Variants in LIMCH1 observed in about 807,000 individuals in gnomAD.
LIMCH1 encodes LIM and calponin homology domains 1.
In LIMCH1, 113 loss-of-function variants were observed where a neutral mutation model predicts 176.5. The ratio of observed to expected loss-of-function variants is 0.64; its 90% CI spans 0.55 to 0.75. The LOEUF is 0.75. Among genes scored for constraint, LIMCH1 ranks in the 30% least tolerant of loss-of-function variants. The pLI is 0.00. For missense variants in LIMCH1, 1,674 were observed against 1,814.9 expected (o/e 0.92, Z 1.41); for synonymous variants, 619 against 645.9 (o/e 0.96, Z 0.63).
At chr4:41,645,400 G>A (rs1020860019) in intron 15 of LIMCH1, among the ~76,000 whole-genome samples, 10 of 152,244 alleles carry the variant, frequency 6.6e-5, no homozygotes, top group Middle Eastern at 3.4e-3. Context: ...GGCACCTTAC[G>A]TCTATTTTCA....
intron 1 of LIMCH1, among the ~76,000 whole-genome samples, chr4:41,367,684 C>CAAAAAAAAAA (rs35832745): frequency 0.015 from 1,461 of 94,276 alleles, 2 homozygotes; most frequent in Non-Finnish European, 0.018. Context: ...ACTAAAAATC[C>CAAAAAAAAAA]AAAAAAAAAA....
At chr4:41,621,627 A>G (rs9993745) in intron 7 of LIMCH1, among the ~76,000 whole-genome samples, 2,617 of 151,824 alleles carry the variant, frequency 0.017, 72 homozygotes, top group African/African-American at 0.055. Flanking sequence ...TCAGCCTCCC[A>G]AGTAGCTCGG....
intron 22 of LIMCH1, among the ~76,000 whole-genome samples, chr4:41,672,468 T>G (rs1283221312): frequency 1.3e-5 from 2 of 152,184 alleles, no homozygotes; most frequent in Non-Finnish European, 2.9e-5. Context: ...TTTTTTAATA[T>G]GAGGATAATA....
chr4:41,579,460 T>C (rs2085038961), intron 1 of LIMCH1, among the ~76,000 whole-genome samples: 1 of 152,182 alleles, frequency 6.6e-6, no homozygotes, highest in African/African-American at 2.4e-5. Flanking sequence ...GTTAGGATGG[T>C]TTTACCTTAA....
chr4:41,449,620 C>G (rs2063641763), intron 1 of LIMCH1, among the ~76,000 whole-genome samples: 1 of 152,018 alleles, frequency 6.6e-6, no homozygotes, highest in Non-Finnish European at 1.5e-5. Context: ...GGATAGATTC[C>G]TAGAATGTCG....
chr4:41,465,170 A>C (rs911534844), intron 1 of LIMCH1, among the ~76,000 whole-genome samples: 2 of 151,850 alleles, frequency 1.3e-5, no homozygotes, highest in Non-Finnish European at 2.9e-5. Flanking sequence ...GCTGGCGTCT[A>C]TTTTTTCATT....
chr4:41,443,391 TAAC>T (rs1331157565), intron 1 of LIMCH1, among the ~76,000 whole-genome samples: 3 of 152,182 alleles, frequency 2.0e-5, no homozygotes, highest in African/African-American at 7.2e-5. Flanking sequence ...TTGAATTAAA[TAAC>T]AACATTTGAT....
chr4:41,428,086 C>T (rs1340957758), intron 1 of LIMCH1, among the ~76,000 whole-genome samples: 4 of 152,080 alleles, frequency 2.6e-5, no homozygotes, highest in South Asian at 2.1e-4. Context: ...ACAGATTGCT[C>T]TGAAATTGAA....
In LIMCH1 at chr4:41,646,641, A is replaced by G. The variant is rs1444253281; in HGVS notation, c.2568A>G (p.Ser856=). The part of the protein sequence containing the change: ...EMPKILERSH[S]TEPNLSSFLN... Reference sequence around the variant, plus strand: ...CAAAAATTCTGGAAAGAAGCCATTCAACAGAGCCAAATTTATCCTCCTTCC... The same window carrying G: ...CAAAAATTCTGGAAAGAAGCCATTCGACAGAGCCAAATTTATCCTCCTTCC... Residue 856 remains serine, a synonymous_variant, in exon 17 of 32, where the codon TCA becomes TCG. Coordinates refer to ENST00000503057, the MANE Select transcript of LIMCH1 (RefSeq NM_001330672.2). 6.2e-6 allele frequency: 10 copies of G among 1,614,094 alleles called. No homozygotes were observed. Among genetic ancestry groups the G allele is most frequent in the Middle Eastern group, 1.6e-4 (1 of 6,084 alleles).
chr4:41,372,058 A>ACC (rs1412201380), intron 1 of LIMCH1, among the ~76,000 whole-genome samples: 1 of 152,016 alleles, frequency 6.6e-6, no homozygotes, highest in African/African-American at 2.4e-5. Context: ...GGAGGTGAAC[A>ACC]CCCCTCTTTT....
intron 2 of LIMCH1, among the ~76,000 whole-genome samples, chr4:41,602,024 G>T (rs1304895795): frequency 6.8e-6 from 1 of 146,412 alleles, no homozygotes; most frequent in Non-Finnish European, 1.5e-5. Context: ...TTTTGTTTCA[G>T]AAAATACTCT....
rs750458277 is a variant in LIMCH1, at chr4:41,490,277, C to CT, written c.97-4243dup. On this transcript the variant is annotated intron_variant, in intron 1 of 26. Transcript: ENST00000313860. ...TTTTTTTTTCTTTCTTTCTCCCTTT[C>CT]TTTTTTTTTTTTTTTTAATTTATTG... Among the ~76,000 whole-genome samples the CT allele has an allele frequency of 5.8e-3, 773 of 134,198 alleles. 9 individuals carry two copies. The highest frequency in any genetic ancestry group is 0.017 in the African/African-American group (627 of 36,614). 88.0% of individuals were successfully genotyped at this position (134,198 alleles called of 152,430 possible). A position where few individuals can be genotyped will look rare whatever the true frequency, so the allele number is the denominator to read the frequency against.
chr4:41,569,485 G>A (rs946994442), intron 1 of LIMCH1, among the ~76,000 whole-genome samples: 8 of 152,126 alleles, frequency 5.3e-5, no homozygotes, highest in Non-Finnish European at 7.3e-5. Context: ...AAATGCCCAG[G>A]GGTTATGCTA....
At chr4:41,383,210 G>A (rs2055978295) in intron 1 of LIMCH1, among the ~76,000 whole-genome samples, 1 of 152,176 alleles carries the variant, frequency 6.6e-6, no homozygotes, top group African/African-American at 2.4e-5. Context: ...TTCTATGTTT[G>A]GTCTGGAGGT....
intron 1 of LIMCH1, among the ~76,000 whole-genome samples, chr4:41,586,115 C>T (rs1162702357): frequency 1.4e-5 from 2 of 141,744 alleles, no homozygotes; most frequent in African/African-American, 2.6e-5. Context: ...CCTCCTCTCC[C>T]CTTCCCTTTT....
At chr4:41,377,213 G>A (rs2054890137) in intron 1 of LIMCH1, among the ~76,000 whole-genome samples, 1 of 152,182 alleles carries the variant, frequency 6.6e-6, no homozygotes, top group Admixed American at 6.5e-5. Context: ...TCAAGGCTGT[G>A]GGTTACGTTC....
intron 1 of LIMCH1, among the ~76,000 whole-genome samples, chr4:41,404,727 CAGG>C: frequency 6.6e-6 from 1 of 152,074 alleles, no homozygotes; most frequent in East Asian, 1.9e-4. Context: ...TGCGGTGAGC[CAGG>C]ATTGTGCCAC....
chr4:41,480,338 G>A (rs997168196), intron 1 of LIMCH1, among the ~76,000 whole-genome samples: 3 of 152,186 alleles, frequency 2.0e-5, no homozygotes, highest in Non-Finnish European at 2.9e-5. Context: ...GCCGGGTGCA[G>A]TGGCTCACTC....
intron 1 of LIMCH1, among the ~76,000 whole-genome samples, chr4:41,419,674 T>G (rs1581866151): frequency 1.4e-5 from 1 of 72,614 alleles, no homozygotes; most frequent in African/African-American, 6.6e-5. Context: ...CCTTCCTTCC[T>G]TCCTTCCTCC....
Sources: allele counts gnomAD v4.1 joint callset (sites outside exome capture counted in the v4.1 genomes callset), GRCh38; gene constraint gnomAD v4.1.1; transcripts MANE v1.5; gene names NCBI Gene and HGNC (gene_info 2026-07-23, HGNC 2026-07-21).